Variants in KLHL32 observed in about 807,000 individuals in gnomAD.
KLHL32 encodes the protein kelch-like protein 32.
In KLHL32, 35 loss-of-function variants were observed where a neutral mutation model predicts 64.8. That is an observed-to-expected ratio of 0.54 (90% CI 0.41 to 0.72). The LOEUF (loss-of-function observed/expected upper bound fraction) is 0.72, where lower values mean the gene tolerates loss of function less well. Among genes scored for constraint, KLHL32 ranks in the 30% least tolerant of loss-of-function variants. The pLI, the probability that KLHL32 is intolerant of heterozygous loss-of-function variation, is 0.00. For missense variants in KLHL32, 589 were observed against 768.5 expected, an observed-to-expected ratio of 0.77 and a Z score of 2.76; for synonymous variants, 259 against 281.0, an observed-to-expected ratio of 0.92 and a Z score of 0.78.
Position 97,114,144 on chromosome 6 carries a change from C to T in KLHL32, c.989C>T (p.Ala330Val). 2 of 1,614,178 alleles carry T rather than the reference C, an allele frequency of 1.2e-6. No homozygotes were observed. The highest frequency in any genetic ancestry group is 1.7e-6 in the Non-Finnish European group (2 of 1,180,036). ...GCCATTGCCAACTGGAGTGAGCTGG[C>T]TCCCATGCCTGTGGGAAGGAGCCAC... ...IAAIANWSEL[A>V]PMPVGRSHHC... Residue 330 changes from alanine (A) to valine (V), a missense_variant, in exon 7 of 11, where the codon GCT becomes GTT. This residue lies in a region of KLHL32 where 226 missense variants were observed against 353.2 expected (regional missense o/e 0.64). Transcript: ENST00000369261.
chr6:96,929,380 G>A (rs1769564314), intron 1 of KLHL32, among the ~76,000 whole-genome samples: 1 of 152,164 alleles, frequency 6.6e-6, no homozygotes. Flanking sequence ...GGGCTTTTTG[G>A]TGACAGCAGA....
At chr6:97,120,571 A>C (rs1353670906) in intron 7 of KLHL32, among the ~76,000 whole-genome samples, 1 of 152,244 alleles carries the variant, frequency 6.6e-6, no homozygotes, top group Non-Finnish European at 1.5e-5. Context: ...TGAGACTGGA[A>C]TAGTCCAGAG....
chr6:97,124,698 C>T (rs1044284732), intron 7 of KLHL32, among the ~76,000 whole-genome samples: 1 of 152,110 alleles, frequency 6.6e-6, no homozygotes, highest in African/African-American at 2.4e-5. Context: ...TGGAGCTTTG[C>T]CCTCGGTTCC....
In KLHL32 at chr6:97,127,481, C is replaced by T. The variant is rs1798994556; in HGVS notation, c.1413+19C>T. ...TAACCAGGTAAGAATCATGTAAGAA[C>T]ACCTCATTATCTTAATTAATGAATT... On this transcript the variant is annotated intron_variant, in intron 8 of 10. Coordinates refer to ENST00000369261, the MANE Select transcript of KLHL32 (RefSeq NM_052904.4). 2 of 1,584,974 alleles carry T rather than the reference C, an allele frequency of 1.3e-6. No homozygotes were observed. The highest frequency in any genetic ancestry group is 1.7e-6 in the Non-Finnish European group (2 of 1,154,952).
intron 2 of KLHL32, among the ~76,000 whole-genome samples, chr6:96,969,970 C>T (rs1308329799): frequency 2.0e-5 from 3 of 152,176 alleles, no homozygotes; most frequent in Non-Finnish European, 4.4e-5. Context: ...CATTTGTTTC[C>T]TGTTCTGGAA....
intron 5 of KLHL32, among the ~76,000 whole-genome samples, chr6:97,068,699 T>C (rs1167920296): frequency 1.3e-5 from 2 of 152,208 alleles, no homozygotes; most frequent in Non-Finnish European, 2.9e-5. Context: ...TAAATGACTC[T>C]AAGGTTTTAC....
At chr6:97,031,623 C>G (rs1039675236) in intron 3 of KLHL32, among the ~76,000 whole-genome samples, 3 of 152,038 alleles carry the variant, frequency 2.0e-5, no homozygotes, top group Admixed American at 6.6e-5. Context: ...TAGTCATGAC[C>G]CACGGTGCCT....
At chr6:97,013,150 T>C (rs1432895787) in intron 3 of KLHL32, among the ~76,000 whole-genome samples, 1 of 152,218 alleles carries the variant, frequency 6.6e-6, no homozygotes, top group Admixed American at 6.5e-5. Context: ...GTACATTTTC[T>C]TGTGAGAAAT....
intron 10 of KLHL32, among the ~76,000 whole-genome samples, chr6:97,138,475 G>C (rs901352506): frequency 6.6e-6 from 1 of 151,996 alleles, no homozygotes; most frequent in African/African-American, 2.4e-5. Context: ...AGAGATCAAG[G>C]CTACAGTGAG....
chr6:96,984,553 G>C (rs1776756917), intron 3 of KLHL32, among the ~76,000 whole-genome samples: 1 of 152,024 alleles, frequency 6.6e-6, no homozygotes. Flanking sequence ...TATGAATCTG[G>C]GTGCTCCTGT....
At chr6:96,939,338 C>T (rs1770997689) in intron 1 of KLHL32, among the ~76,000 whole-genome samples, 1 of 152,194 alleles carries the variant, frequency 6.6e-6, no homozygotes, top group African/African-American at 2.4e-5. Context: ...ATGCCAAAGG[C>T]TGATGAGTCA....
At chr6:96,954,279 G>A (rs1430522356) in intron 1 of KLHL32, among the ~76,000 whole-genome samples, 1 of 147,846 alleles carries the variant, frequency 6.8e-6, no homozygotes, top group East Asian at 2.0e-4. Flanking sequence ...GAAGACTACA[G>A]TGGAAAAAAT....
intron 3 of KLHL32, among the ~76,000 whole-genome samples, chr6:96,993,470 G>A (rs918517922): frequency 2.6e-5 from 4 of 152,190 alleles, no homozygotes; most frequent in Non-Finnish European, 5.9e-5. Context: ...TGCTTCTCAA[G>A]CTTCTGTTTG....
chr6:97,132,037 T>C (rs1442969492), intron 9 of KLHL32, among the ~76,000 whole-genome samples: 1 of 152,080 alleles, frequency 6.6e-6, no homozygotes. Flanking sequence ...CTTTTTGAAA[T>C]GGGAGGGGAA....
chr6:97,138,795 A>G (rs1800354651), intron 10 of KLHL32, among the ~76,000 whole-genome samples: 1 of 152,162 alleles, frequency 6.6e-6, no homozygotes, highest in African/African-American at 2.4e-5. Context: ...ACTGCCTACT[A>G]ACTAGTTTGG....
At chr6:96,912,402 C>T in the KLHL32 span, among the ~76,000 whole-genome samples, 1 of 152,154 alleles carries the variant, frequency 6.6e-6, no homozygotes, top group Non-Finnish European at 1.5e-5. Context: ...ATCACTCTCC[C>T]CTTGCATCTT....
rs59881885 is a variant in KLHL32, at chr6:97,106,729, G to A, written c.628-7054G>A. On this transcript the variant is annotated intron_variant, in intron 6 of 10. Transcript: ENST00000369261. The stretch of plus-strand genomic sequence containing the variant: ...ACTGCACTCCACTCCGGGTGACAGA[G>A]GAGACCCTGTCTCAAAAAAAAAAAA... Among the ~76,000 whole-genome samples, 1,285 of 150,366 alleles carry A rather than the reference G, an allele frequency of 8.5e-3. 31 individuals are homozygous for A. The highest frequency in any genetic ancestry group is 0.031 in the African/African-American group (1,233 of 40,280).
intron 2 of KLHL32, among the ~76,000 whole-genome samples, chr6:96,974,800 G>A (rs1415855744): frequency 6.6e-6 from 1 of 152,232 alleles, no homozygotes; most frequent in African/African-American, 2.4e-5. Flanking sequence ...CTAGGCTGGT[G>A]GCAACTCTGG....
In KLHL32 at chr6:96,994,621, A is replaced by G. The variant is rs921992302; in HGVS notation, c.204+18444A>G. ...CCTTTATATTGGTCTGTGAGTTAAT[A>G]TCAGCTTTTCTTGTTTAAAATATGA... On this transcript the variant is annotated intron_variant, in intron 3 of 10. Transcript: ENST00000369261. 1.9e-5 allele frequency: 19 copies of G among 985,338 alleles called. No individual in the cohort carries two copies. The South Asian group carries it at 4.2e-4, about 22-fold the overall frequency. The allele number at this position is 985,338 out of a possible 1,614,324, so 61.0% of individuals were successfully genotyped here.
Sources: allele counts gnomAD v4.1 joint callset (sites outside exome capture counted in the v4.1 genomes callset), GRCh38; gene constraint gnomAD v4.1.1; regional missense constraint gnomAD v4.1.1; transcripts MANE v1.5; gene names NCBI Gene and HGNC (gene_info 2026-07-23, HGNC 2026-07-21).